The following PUF60 variants were observed in gnomAD, a reference collection of about 807,000 sequenced individuals.
PUF60 encodes poly(U)-binding-splicing factor PUF60.
A neutral mutation model predicts 61.8 loss-of-function variants in PUF60; 10 were observed. The ratio of observed to expected loss-of-function variants is 0.16; its 90% CI spans 0.10 to 0.27. The LOEUF (loss-of-function observed/expected upper bound fraction) is 0.27. PUF60 is among the 10% of genes least tolerant of loss of function. The pLI is 1.00. For missense variants in PUF60, 371 were observed against 754.0 expected, an observed-to-expected ratio of 0.49 and a Z score of 5.95; for synonymous variants, 353 against 300.9, an observed-to-expected ratio of 1.17 and a Z score of -1.79.
intron 1 of PUF60, among the ~76,000 whole-genome samples, chr8:143,825,359 G>C (rs909822124): frequency 1.3e-5 from 2 of 152,194 alleles, no homozygotes; most frequent in African/African-American, 4.8e-5. Flanking sequence ...CAGCTGCACT[G>C]GGGAAGGCCA....
At chr8:143,821,534 C>T (rs891549902) in intron 4 of PUF60, 63 bp downstream of exon 4, 35 of 1,355,866 alleles carry the variant, frequency 2.6e-5, no homozygotes, top group Admixed American at 1.8e-4. Flanking sequence ...GGAGGAAGAG[C>T]GTGAAGAGGA....
At chr8:143,827,109 G>T (rs1251872402) in intron 1 of PUF60, 9 of 322,596 alleles carry the variant, frequency 2.8e-5, no homozygotes, top group Non-Finnish European at 3.0e-5. Context: ...TCAGGAGCCT[G>T]GTGTCAGCTG....
At position 143,820,661 on chromosome 8, in the gene PUF60, T is replaced by C. The variant is rs1365687374; in HGVS notation, c.348+5A>G. ...GCCCCGGAAGAAGTGAGCATTTCTA[T>C]TGACCGATTGCAAAGGTGAGAGAGG... On this transcript the variant is annotated splice_donor_5th_base_variant and intron_variant, in intron 5 of 11. Coordinates refer to ENST00000526683, the MANE Select transcript of PUF60 (RefSeq NM_078480.3). The C allele has an allele frequency of 1.9e-6, 3 of 1,611,690 alleles. No individual in the cohort carries two copies. Among genetic ancestry groups the C allele is most frequent in the Non-Finnish European group, 2.5e-6 (3 of 1,178,192 alleles).
Position 143,824,303 on chromosome 8 carries a change from A to C in PUF60, c.111+10T>G. On this transcript the variant is annotated intron_variant, in intron 2 of 11. Coordinates refer to ENST00000526683, the MANE Select transcript of PUF60 (RefSeq NM_078480.3). The stretch of plus-strand genomic sequence containing the variant: ...GCGGGCCTGAGGGAGAGGATGCTTA[A>C]GGTCAGTACCTGTGGAGGTTTCCAT... 2 of 1,604,884 alleles carry C rather than the reference A, an allele frequency of 1.2e-6. No individual in the cohort carries two copies. Among genetic ancestry groups the C allele is most frequent in the South Asian group, 2.2e-5 (2 of 89,284 alleles).
chr8:143,823,267 C>T (rs1817232965), intron 2 of PUF60: 1 of 154,962 alleles, frequency 6.5e-6, no homozygotes. Flanking sequence ...CTAGGCCTGT[C>T]CTCACCACCC....
intron 1 of PUF60, among the ~76,000 whole-genome samples, chr8:143,825,798 T>A (rs1315959097): frequency 6.6e-6 from 1 of 152,164 alleles, no homozygotes; most frequent in Non-Finnish European, 1.5e-5. Flanking sequence ...CAGCAAGAGA[T>A]CACTTCACGA....
intron 4 of PUF60, chr8:143,821,202 G>T: frequency 2.4e-6 from 1 of 414,164 alleles, no homozygotes; most frequent in Non-Finnish European, 4.5e-6. Flanking sequence ...TCACTGCAGG[G>T]GTGAGGGCCT....
intron 1 of PUF60, chr8:143,827,399 G>A (rs561154914): frequency 2.2e-6 from 1 of 456,290 alleles, no homozygotes; most frequent in South Asian, 1.5e-5. Flanking sequence ...GCTGCAAAGA[G>A]GCAGCCGGCC....
At chr8:143,821,707 G>A in intron 3 of PUF60, 21 bp from the exon 4 acceptor site, 1 of 1,547,546 alleles carries the variant, frequency 6.5e-7, no homozygotes. Context: ...CGGCAGTGAG[G>A]AGCACTGGGG....
rs764020321 is a variant in PUF60, at chr8:143,816,871, CT to C, written c.1380+38del. On this transcript the variant is annotated intron_variant, in intron 11 of 11. Coordinates refer to ENST00000526683, the MANE Select transcript of PUF60 (RefSeq NM_078480.3). ...AGCTGAGCACTGCGGCCCCGCCCCC[CT>C]ACCCTCTCCCCCGCCACCACCCTGC... 7.6e-6 allele frequency: 12 copies of C among 1,580,330 alleles called. No individual in the cohort carries two copies. In the South Asian group the frequency reaches 1.1e-4, roughly 15 times the overall value.
At position 143,818,157 on chromosome 8, in the gene PUF60, C is replaced by T. The variant is rs370102068; in HGVS notation, c.603+36G>A. 41 of 1,600,850 alleles carry T rather than the reference C, an allele frequency of 2.6e-5. No individual in the cohort carries two copies. Among genetic ancestry groups the T allele is most frequent in the Middle Eastern group, 1.6e-4 (1 of 6,070 alleles). On this transcript the variant is annotated intron_variant, in intron 7 of 11. Coordinates refer to ENST00000526683, the MANE Select transcript of PUF60 (RefSeq NM_078480.3). The surrounding 1 kb of genome is among the most constrained non-coding windows in gnomAD (Gnocchi z 7.9). ...GCTTCCGTGGAGGGGCAGCCCTGCA[C>T]GCCTGCGGGATCGAGGCCTTGGCTC...
In PUF60 at chr8:143,818,769, G is replaced by C; in HGVS notation, c.349-235C>G. ...ACAGGACGCACCCCAGCCCGCCAAG[G>C]TCCCAGGCAGACTGCGGCAGCAAAG... On this transcript the variant is annotated intron_variant, in intron 5 of 11. Transcript: ENST00000526683. This position sits in a 1 kb window ranked among gnomAD's most constrained non-coding sequence, Gnocchi z 7.9. 1 of 560,536 alleles carries C rather than the reference G, an allele frequency of 1.8e-6. No individual in the cohort carries two copies. Among genetic ancestry groups the C allele is most frequent in the Admixed American group, 3.3e-5 (1 of 30,450 alleles). The allele number at this position is 560,536 out of a possible 1,614,324, so 34.7% of individuals were successfully genotyped here. A position where few individuals can be genotyped will look rare whatever the true frequency, so the allele number is the denominator to read the frequency against.
In PUF60 at chr8:143,818,320, G is replaced by A; in HGVS notation, c.511-35C>T. ...GGGACACACCTGTCAGGCTGCGCGA[G>A]CCCAGGGGTGGGGGCGAGCCCGAAG... On this transcript the variant is annotated intron_variant, in intron 6 of 11. Coordinates refer to ENST00000526683, the MANE Select transcript of PUF60 (RefSeq NM_078480.3). This position sits in a 1 kb window ranked among gnomAD's most constrained non-coding sequence, Gnocchi z 7.9. The A allele has an allele frequency of 1.2e-6, 2 of 1,607,976 alleles. No individual in the cohort carries two copies. The highest frequency in any genetic ancestry group is 1.7e-6 in the Non-Finnish European group (2 of 1,176,410).
intron 4 of PUF60, 116 bp from the exon 5 acceptor site, chr8:143,820,832 G>A (rs1364017167): frequency 1.6e-5 from 16 of 1,014,280 alleles, no homozygotes; most frequent in Admixed American, 3.5e-5. Flanking sequence ...CAGGGAGGCC[G>A]CCTGCCTTCC....
At chr8:143,821,762 C>A (rs1817045004) in intron 3 of PUF60, 56 bp downstream of exon 3, 1 of 1,565,850 alleles carries the variant, frequency 6.4e-7, no homozygotes, top group South Asian at 1.2e-5. Context: ...CCGCCCCTGC[C>A]CCTGCCCCCA....
At chr8:143,820,810 TC>T in intron 4 of PUF60, 94 bp from the exon 5 acceptor site, 1 of 1,258,690 alleles carries the variant, frequency 7.9e-7, no homozygotes, top group Non-Finnish European at 1.2e-6. Flanking sequence ...AGGCCCGGAG[TC>T]CCCGCCCTGC....
intron 1 of PUF60, chr8:143,826,908 G>A (rs1236575561): frequency 8.4e-6 from 1 of 119,522 alleles, no homozygotes; most frequent in Non-Finnish European, 1.7e-5. Flanking sequence ...AGCAAAGCAA[G>A]CCACAGGTTC....
At position 143,821,590 on chromosome 8, in the gene PUF60, G is replaced by A. The variant is rs1317789622; in HGVS notation, c.297+7C>T. 7 of 1,540,006 alleles carry A rather than the reference G, an allele frequency of 4.5e-6. No individual in the cohort carries two copies. The highest frequency in any genetic ancestry group is 4.4e-6 in the Non-Finnish European group (5 of 1,146,056). ...GGAGGGCGGTAGAGGCTCCGGCCGG[G>A]GCTCACCTGCAGGTTGGTGAGCTGC... On this transcript the variant is annotated splice_region_variant and intron_variant, in intron 4 of 11. Transcript: ENST00000526683.
intron 5 of PUF60, chr8:143,820,453 G>A: frequency 1.6e-6 from 1 of 609,998 alleles, no homozygotes; most frequent in South Asian, 1.9e-5. Context: ...TTTTAAGGTG[G>A]GCCCTCAGAG....
Sources: allele counts gnomAD v4.1 joint callset (sites outside exome capture counted in the v4.1 genomes callset), GRCh38; gene constraint gnomAD v4.1.1; non-coding constraint Gnocchi (gnomAD v3.1); transcripts MANE v1.5; gene names NCBI Gene and HGNC (gene_info 2026-07-23, HGNC 2026-07-21).